DHX57: variants seen among roughly 807,000 people sequenced by gnomAD.
The protein encoded by DHX57 is putative ATP-dependent RNA helicase DHX57.
DHX57 carries 105 observed loss-of-function variants against 156.2 expected under a neutral mutation model. The ratio of observed to expected loss-of-function variants is 0.67; its 90% CI spans 0.57 to 0.79. The LOEUF (loss-of-function observed/expected upper bound fraction) is 0.79. Among genes scored for constraint, DHX57 ranks in the 30% least tolerant of loss-of-function variants. The pLI is 0.00. For missense variants in DHX57, 1,847 were observed against 1,661.9 expected, an observed-to-expected ratio of 1.11 and a Z score of -1.94; for synonymous variants, 704 against 595.6, an observed-to-expected ratio of 1.18 and a Z score of -2.65.
Position 38,861,837 on chromosome 2 carries a change from C to T in DHX57, c.573G>A (p.Arg191=). 6.3e-7 allele frequency: 1 copy of T among 1,585,510 alleles called. No individual in the cohort carries two copies. Among genetic ancestry groups the T allele is most frequent in the Non-Finnish European group, 8.6e-7 (1 of 1,165,992 alleles). ...GACAGCGTTCAGTATTGAAACCATACCTGTCAAGGGCAAAACATGACAAAA... is the reference window on the plus strand; with the variant it reads ...GACAGCGTTCAGTATTGAAACCATATCTGTCAAGGGCAAAACATGACAAAA... ...VSPFAVQKLS[R]YGFNTERCQA... Residue 191 remains arginine, a splice_region_variant and synonymous_variant, in exon 5 of 24, where the codon AGG becomes AGA. Transcript: ENST00000457308.
At chr2:38,845,805 A>C (rs1457341295) in intron 11 of DHX57, among the ~76,000 whole-genome samples, 2 of 151,984 alleles carry the variant, frequency 1.3e-5, no homozygotes, top group Non-Finnish European at 2.9e-5. Context: ...ATATCTTAAC[A>C]CTCAGGCTAT....
intron 9 of DHX57, among the ~76,000 whole-genome samples, chr2:38,850,001 C>G (rs1288640020): frequency 1.3e-5 from 2 of 152,012 alleles, no homozygotes; most frequent in East Asian, 3.8e-4. Context: ...ATGAGCTCTC[C>G]CACTAGAATA....
chr2:38,868,356 T>G lies in DHX57; in HGVS notation c.50A>C (p.Lys17Thr). 1 of 1,613,850 alleles carries G rather than the reference T, an allele frequency of 6.2e-7. No homozygotes were observed. Among genetic ancestry groups the G allele is most frequent in the Admixed American group, 1.7e-5 (1 of 60,018 alleles). Reference protein sequence around the residue: ...RKGKPGKGGGKGSSRGGRGGR... With the variant: ...RKGKPGKGGGTGSSRGGRGGR... ...TCCTCTTCCTCCTCTAGAAGACCCT[T>G]TTCCACCTCCTTTGCCTGGCTTGCC... Residue 17 changes from lysine to threonine, a missense_variant, in exon 2 of 24, where the codon AAA becomes ACA. Physicochemically the swap from Lys to Thr is moderately conservative, Grantham distance 78. Transcript: ENST00000457308.
intron 1 of DHX57, among the ~76,000 whole-genome samples, chr2:38,871,293 G>A (rs140809185): frequency 3.3e-5 from 5 of 152,280 alleles, no homozygotes; most frequent in Non-Finnish European, 1.5e-5. Flanking sequence ...TAATATGTAT[G>A]TAATATATTT....
chr2:38,860,319 G>C (rs957237835), intron 5 of DHX57, among the ~76,000 whole-genome samples: 3 of 152,080 alleles, frequency 2.0e-5, no homozygotes, highest in African/African-American at 7.2e-5. Context: ...CGTGGTGGCG[G>C]GTGCCTGTAA....
chr2:38,813,933 G>A lies in DHX57; in HGVS notation c.3607-38C>T, dbSNP rs781024818. 5 of 1,603,222 alleles carry A rather than the reference G, an allele frequency of 3.1e-6. No individual in the cohort carries two copies. In the East Asian group the frequency reaches 9.0e-5, roughly 29 times the overall value. ...CACAGCATTAATTAACAAGTGATAT[G>A]GCTATTTCTTTTTTTTCTTTTTGAG... On this transcript the variant is annotated intron_variant, in intron 20 of 23. Transcript: ENST00000457308.
intron 21 of DHX57, among the ~76,000 whole-genome samples, chr2:38,812,699 A>G (rs1299358349): frequency 6.6e-6 from 1 of 151,174 alleles, no homozygotes; most frequent in African/African-American, 2.4e-5. Flanking sequence ...ACGCCTGGCT[A>G]ATTTTGTATT....
intron 2 of DHX57, among the ~76,000 whole-genome samples, chr2:38,864,473 G>T (rs904304884): frequency 3.9e-5 from 6 of 152,040 alleles, no homozygotes; most frequent in African/African-American, 1.4e-4. Flanking sequence ...AACATGAGGG[G>T]GAGTTGGGAG....
At chr2:38,819,003 G>T in intron 18 of DHX57, 43 bp from the exon 19 acceptor site, 1 of 1,614,044 alleles carries the variant, frequency 6.2e-7, no homozygotes, top group African/African-American at 1.3e-5. Context: ...TCAGTCTTCA[G>T]TGCCAACACT....
chr2:38,847,517 G>A (rs1672355665), intron 10 of DHX57, among the ~76,000 whole-genome samples: 1 of 152,144 alleles, frequency 6.6e-6, no homozygotes, highest in Non-Finnish European at 1.5e-5. Flanking sequence ...TTCAATTGAA[G>A]AAGGATAAAT....
chr2:38,846,236 T>C (rs576019532), intron 11 of DHX57, among the ~76,000 whole-genome samples: 1 of 152,336 alleles, frequency 6.6e-6, no homozygotes, highest in African/African-American at 2.4e-5. Context: ...AAGTATTAAT[T>C]CATTAATTTT....
intron 12 of DHX57, chr2:38,838,846 C>T: frequency 2.2e-6 from 1 of 452,620 alleles, no homozygotes; most frequent in South Asian, 1.6e-5. Flanking sequence ...CACAATCTCC[C>T]CACTCACAAT....
rs1401613453 is a variant in DHX57, at chr2:38,819,061, T to A, written c.3375A>T (p.Leu1125=). The A allele has an allele frequency of 6.2e-7, 1 of 1,614,128 alleles. No individual in the cohort carries two copies. The highest frequency in any genetic ancestry group is 1.3e-5 in the African/African-American group (1 of 74,944). Residue 1125 remains leucine (L), a synonymous_variant, in exon 18 of 24, where the codon CTA becomes CTT. Coordinates refer to ENST00000457308, the MANE Select transcript of DHX57 (RefSeq NM_198963.3). ...GTTATATACTTACCTTATACGCTTG[T>A]AGAAGGGCCAGATAATCACTGTTTG... ...AFANSDYLAL[L]QAYKGWQLST...
intron 10 of DHX57, among the ~76,000 whole-genome samples, 180 bp from the exon 11 acceptor site, chr2:38,847,253 T>C (rs1263954163): frequency 3.9e-5 from 6 of 152,298 alleles, no homozygotes; most frequent in Non-Finnish European, 7.4e-5. Flanking sequence ...CAGATTTCAG[T>C]CAGTAAACAG....
At chr2:38,800,123 T>TGTGGTGAGCCGAG (rs1247950251) in intron 23 of DHX57, among the ~76,000 whole-genome samples, 1 of 148,612 alleles carries the variant, frequency 6.7e-6, no homozygotes, top group African/African-American at 2.5e-5. Context: ...AGGCAGAGGC[T>TGTGGTGAGCCGAG]GTGGTGAGCC....
intron 1 of DHX57, among the ~76,000 whole-genome samples, chr2:38,871,604 T>C (rs1339897446): frequency 6.6e-6 from 1 of 152,142 alleles, no homozygotes; most frequent in African/African-American, 2.4e-5. Flanking sequence ...AAGAGCATGA[T>C]GCTGGCATCT....
chr2:38,802,687 T>C, intron 23 of DHX57, 28 bp downstream of exon 23: 1 of 1,612,898 alleles, frequency 6.2e-7, no homozygotes, highest in Non-Finnish European at 8.5e-7. Flanking sequence ...GGCCTGAGCC[T>C]CATAAAACAG....
rs1670675057 is a variant in DHX57 at position 38,818,857 on chromosome 2, A to G, written c.3471+20T>C. 1 of 1,613,606 alleles carries G rather than the reference A, an allele frequency of 6.2e-7. No individual in the cohort carries two copies. The highest frequency in any genetic ancestry group is 1.3e-5 in the African/African-American group (1 of 74,858). Reference sequence around the variant, plus strand: ...CTACTCTAATAAAAAAATGAAGAAAAAGCCACAGACACAACTCACCTGCAG... The same window carrying G: ...CTACTCTAATAAAAAAATGAAGAAAGAGCCACAGACACAACTCACCTGCAG... On this transcript the variant is annotated intron_variant, in intron 19 of 23. Transcript: ENST00000457308.
chr2:38,814,066 T>C (rs1034345583), intron 20 of DHX57, among the ~76,000 whole-genome samples, 171 bp from the exon 21 acceptor site: 2 of 152,044 alleles, frequency 1.3e-5, no homozygotes, highest in Non-Finnish European at 2.9e-5. Flanking sequence ...GCCTCCCGAG[T>C]AGCTGGGATT....
Sources: allele counts gnomAD v4.1 joint callset (sites outside exome capture counted in the v4.1 genomes callset), GRCh38; gene constraint gnomAD v4.1.1; transcripts MANE v1.5; gene names NCBI Gene and HGNC (gene_info 2026-07-23, HGNC 2026-07-21).